Variants in DCC observed in about 807,000 individuals in gnomAD.
DCC encodes the protein netrin receptor DCC.
DCC carries 58 observed loss-of-function variants against 172.5 expected under a neutral mutation model. The observed-to-expected ratio is 0.34, with a 90% confidence interval of 0.27 to 0.42. The LOEUF (loss-of-function observed/expected upper bound fraction) is 0.42. Among genes scored for constraint, DCC ranks in the 10% least tolerant of loss-of-function variants. The probability of loss-of-function intolerance (pLI) is 1.00; values close to 1 mark genes in which losing one functional copy is unlikely to be tolerated. For missense variants in DCC, 1,740 were observed against 1,791.0 expected (o/e 0.97, Z 0.51); for synonymous variants, 709 against 644.5 (o/e 1.10, Z -1.52).
rs911175972 is a variant in DCC, at chr18:53,121,568, G to A, written c.1262-35788G>A. Among the ~76,000 whole-genome samples, 3 of 151,574 alleles carry A rather than the reference G, an allele frequency of 2.0e-5. No individual in the cohort carries two copies. The South Asian group carries it at 6.3e-4, about 32-fold the overall frequency. ...ATGATTCTACAGTCTCTGTTCCCCAGGATTATTTAACTTATTAAAATGATA... is the reference window on the plus strand; with the variant it reads ...ATGATTCTACAGTCTCTGTTCCCCAAGATTATTTAACTTATTAAAATGATA... On this transcript the variant is annotated intron_variant, in intron 7 of 28. Coordinates refer to ENST00000442544, the MANE Select transcript of DCC (RefSeq NM_005215.4).
chr18:52,602,986 A>G (rs758503444), intron 1 of DCC, among the ~76,000 whole-genome samples: 1 of 152,124 alleles, frequency 6.6e-6, no homozygotes, highest in Non-Finnish European at 1.5e-5. Flanking sequence ...GTACAAAAAG[A>G]CACATTTATG....
At chr18:52,503,816 G>A (rs909325032) in intron 1 of DCC, among the ~76,000 whole-genome samples, 2 of 152,020 alleles carry the variant, frequency 1.3e-5, no homozygotes, top group Non-Finnish European at 2.9e-5. Context: ...AAGATATTTG[G>A]CTGCTTCCTG....
At chr18:52,974,634 T>C (rs569569861) in intron 5 of DCC, among the ~76,000 whole-genome samples, 21 of 152,346 alleles carry the variant, frequency 1.4e-4, no homozygotes, top group African/African-American at 5.1e-4. Context: ...AACAGTGTTT[T>C]CTGAGCCCAC....
chr18:53,486,775 C>T (rs1297295457), intron 25 of DCC, 22 bp from the exon 26 acceptor site: 1 of 1,614,018 alleles, frequency 6.2e-7, no homozygotes, highest in East Asian at 2.2e-5. Context: ...TCAAAAAACC[C>T]ATTAACCTTT....
At chr18:52,963,214 T>C (rs1248310382) in intron 5 of DCC, among the ~76,000 whole-genome samples, 5 of 151,996 alleles carry the variant, frequency 3.3e-5, no homozygotes, top group Admixed American at 2.6e-4. Context: ...GGGATATAGA[T>C]TTTTTTAAAA....
intron 14 of DCC, among the ~76,000 whole-genome samples, 175 bp downstream of exon 14, chr18:53,322,332 T>G (rs1380617679): frequency 2.6e-5 from 4 of 152,204 alleles, no homozygotes; most frequent in African/African-American, 9.6e-5. Flanking sequence ...AACAATGCCA[T>G]GTAAATAATG....
chr18:53,363,445 T>C (rs145951468), intron 15 of DCC, among the ~76,000 whole-genome samples: 2 of 152,284 alleles, frequency 1.3e-5, no homozygotes, highest in Admixed American at 1.3e-4. Context: ...TGATAAAAGA[T>C]AATATATTCT....
intron 5 of DCC, among the ~76,000 whole-genome samples, chr18:52,948,635 TCTC>T (rs370596728): frequency 6.6e-6 from 1 of 151,456 alleles, no homozygotes; most frequent in African/African-American, 2.4e-5. Flanking sequence ...CCTTCTTTCT[TCTC>T]CTCCAAAACT....
chr18:53,409,152 A>G (rs982653419), intron 19 of DCC, among the ~76,000 whole-genome samples: 1 of 152,164 alleles, frequency 6.6e-6, no homozygotes, highest in Non-Finnish European at 1.5e-5. Flanking sequence ...TGGTGTGGGA[A>G]TAAGCGGGAA....
chr18:52,417,129 T>C (rs1277100106), intron 1 of DCC, among the ~76,000 whole-genome samples: 1 of 152,164 alleles, frequency 6.6e-6, no homozygotes, highest in Non-Finnish European at 1.5e-5. Context: ...CCTTCACTTA[T>C]GAAGCTTAGT....
At chr18:52,781,198 G>T (rs1288055218) in intron 2 of DCC, among the ~76,000 whole-genome samples, 1 of 152,012 alleles carries the variant, frequency 6.6e-6, no homozygotes, top group African/African-American at 2.4e-5. Context: ...AATTCTTCTT[G>T]GTTTCATTGT....
chr18:52,500,124 T>G (rs1032171015), intron 1 of DCC, among the ~76,000 whole-genome samples: 1 of 151,934 alleles, frequency 6.6e-6, no homozygotes, highest in Non-Finnish European at 1.5e-5. Flanking sequence ...TTTTTTTTTT[T>G]TTGCTCACAC....
intron 1 of DCC, among the ~76,000 whole-genome samples, chr18:52,744,260 T>A (rs1462925001): frequency 6.6e-6 from 1 of 152,218 alleles, no homozygotes; most frequent in African/African-American, 2.4e-5. Flanking sequence ...GTGTCCTTAA[T>A]TTTTGTTCAC....
At chr18:52,423,308 C>T (rs977814740) in intron 1 of DCC, among the ~76,000 whole-genome samples, 1 of 152,128 alleles carries the variant, frequency 6.6e-6, no homozygotes, top group Non-Finnish European at 1.5e-5. Context: ...GTAGAGATAT[C>T]TTCAAACTGG....
intron 1 of DCC, among the ~76,000 whole-genome samples, chr18:52,637,328 T>C (rs935718565): frequency 6.6e-6 from 1 of 152,016 alleles, no homozygotes; most frequent in African/African-American, 2.4e-5. Flanking sequence ...AAATTCCTGA[T>C]TGACAGAGAA....
At chr18:52,677,064 T>G (rs1296265919) in intron 1 of DCC, among the ~76,000 whole-genome samples, 1 of 152,188 alleles carries the variant, frequency 6.6e-6, no homozygotes, top group Non-Finnish European at 1.5e-5. Flanking sequence ...TGAGAAATAG[T>G]GAAATTCAAC....
At chr18:53,106,758 G>A (rs2043253793) in intron 7 of DCC, among the ~76,000 whole-genome samples, 1 of 151,950 alleles carries the variant, frequency 6.6e-6, no homozygotes, top group Middle Eastern at 3.4e-3. Flanking sequence ...CATAGACATA[G>A]GGGAGTGTTT....
At chr18:52,362,031 G>C (rs1984640169) in intron 1 of DCC, among the ~76,000 whole-genome samples, 1 of 152,192 alleles carries the variant, frequency 6.6e-6, no homozygotes, top group Non-Finnish European at 1.5e-5. Context: ...AGGCACTAAA[G>C]ACCACATTGA....
intron 8 of DCC, 97 bp from the exon 9 acceptor site, chr18:53,178,865 C>A (rs772830624): frequency 8.3e-5 from 108 of 1,304,994 alleles, no homozygotes; most frequent in Non-Finnish European, 1.1e-4. Context: ...AGTGAGCAAC[C>A]TTTTGGTTCA....
Sources: allele counts gnomAD v4.1 joint callset (sites outside exome capture counted in the v4.1 genomes callset), GRCh38; gene constraint gnomAD v4.1.1; transcripts MANE v1.5; gene names NCBI Gene and HGNC (gene_info 2026-07-23, HGNC 2026-07-21).